Variants in IKBKG observed in about 807,000 individuals in gnomAD.
IKBKG encodes the protein NF-kappa-B essential modulator.
IKBKG carries 2 observed loss-of-function variants against 13.7 expected under a neutral mutation model. The ratio of observed to expected loss-of-function variants is 0.15; its 90% confidence interval spans 0.06 to 0.46. The LOEUF is 0.46. IKBKG is among the 20% of genes least tolerant of loss of function. The pLI, the probability that IKBKG is intolerant of heterozygous loss-of-function variation, is 0.98. For missense variants in IKBKG, 53 were observed against 150.3 expected, an observed-to-expected ratio of 0.35 and a Z score of 3.39; for synonymous variants, 22 against 64.4, an observed-to-expected ratio of 0.34 and a Z score of 3.15.
upstream of IKBKG, chrX:154,546,654 A>C: frequency 5.9e-6 from 3 of 505,019 alleles, no homozygotes; most frequent in Non-Finnish European, 9.5e-6. Flanking sequence ...GGTGCGGGGT[A>C]TAAAGGGATT....
At chrX:154,542,375 G>A (rs782545516), upstream of IKBKG, 9 of 1,206,451 alleles carry the variant, frequency 7.5e-6, no homozygotes, top group African/African-American at 1.2e-4. Context: ...CAGCATCATC[G>A]AGGTCCCATC....
chrX:154,542,453 G>C, upstream of IKBKG: 1 of 1,176,561 alleles, frequency 8.5e-7, no homozygotes, highest in Non-Finnish European at 1.1e-6. Flanking sequence ...GAAGGGGGCA[G>C]TAAGTACCTC....
intron 1 of IKBKG, among the ~76,000 whole-genome samples, chrX:154,549,835 A>G (rs1603416981): frequency 8.9e-6 from 1 of 111,884 alleles, no homozygotes; most frequent in East Asian, 2.8e-4. Context: ...AGACTCATAC[A>G]ATGTTTAATC....
intron 1 of IKBKG, among the ~76,000 whole-genome samples, chrX:154,551,355 A>G (rs1557234971): frequency 9.0e-6 from 1 of 110,624 alleles, no homozygotes; most frequent in Admixed American, 9.6e-5. Flanking sequence ...GCCTCTCCCA[A>G]GCTTCTGCCC....
At chrX:154,547,388 G>A (rs946439673), upstream of IKBKG, 3 of 754,400 alleles carry the variant, frequency 4.0e-6, no homozygotes, top group Admixed American at 2.6e-4. Flanking sequence ...AGCGCCCCGA[G>A]GCTAGACGCC....
upstream of IKBKG, among the ~76,000 whole-genome samples, chrX:154,543,277 G>A (rs993363903): frequency 2.7e-5 from 3 of 112,727 alleles, no homozygotes; most frequent in Non-Finnish European, 5.6e-5. Context: ...GGAGAGCAAA[G>A]GGGAACCCTA....
upstream of IKBKG, chrX:154,545,836 CAAAAAAAA>C: frequency 7.1e-6 from 2 of 283,025 alleles, no homozygotes; most frequent in East Asian, 6.1e-5. Flanking sequence ...ACTCCGTCTC[CAAAAAAAA>C]AAAAAAAAAA....
At chrX:154,547,573 G>A, upstream of IKBKG, 1 of 755,044 alleles carries the variant, frequency 1.3e-6, no homozygotes, top group Non-Finnish European at 1.6e-6. Flanking sequence ...CGAGTTCTCG[G>A]GGGCGGGGCT....
chrX:154,555,518 G>A (rs1390589383), intron 2 of IKBKG, among the ~76,000 whole-genome samples: 1 of 112,848 alleles, frequency 8.9e-6, no homozygotes, highest in Non-Finnish European at 1.9e-5. Flanking sequence ...ACCAGCCTGG[G>A]CAACATAGCA....
chrX:154,547,683 C>T lies in IKBKG; in HGVS notation c.-78C>T. 1.3e-6 allele frequency: 1 copy of T among 755,019 alleles called. No individual in the cohort carries two copies. The highest frequency in any genetic ancestry group is 1.6e-6 in the Non-Finnish European group (1 of 639,457). 62.2% of individuals were successfully genotyped at this position (755,019 alleles called of 1,213,427 possible). A position where few individuals can be genotyped will look rare whatever the true frequency, so the allele number is the denominator to read the frequency against. ...CTGGGACTTTCTCGGAGCGCCGGGG[C>T]CCTACCAGCGTTCACAGTCCGCCGC... On this transcript the variant is annotated 5_prime_UTR_variant, in exon 1 of 10. Transcript: ENST00000594239.
intron 1 of IKBKG, chrX:154,548,130 A>G (rs2070808008): frequency 1.3e-6 from 1 of 745,194 alleles, no homozygotes; most frequent in African/African-American, 2.3e-5. Context: ...TTTGCAAGAC[A>G]ACATCTGCCT....
intron 1 of IKBKG, chrX:154,542,250 C>T (rs782107061): frequency 5.6e-6 from 6 of 1,063,434 alleles, no homozygotes; most frequent in Non-Finnish European, 7.7e-6. Context: ...GCGTCCTGAA[C>T]GCCCATCAAG....
chrX:154,545,856 AG>A, upstream of IKBKG: 1 of 460,798 alleles, frequency 2.2e-6, no homozygotes, highest in Non-Finnish European at 3.6e-6. Flanking sequence ...AAAAAAAAAA[AG>A]TCTTGCAAGT....
chrX:154,548,408 G>T lies in IKBKG; in HGVS notation c.-16+663G>T, dbSNP rs371858780. ...TCTTACACTGATCGTTCTAGCAGTG[G>T]TGGGGAGAACAGACCATAGTGGGCA... On this transcript the variant is annotated intron_variant, in intron 1 of 9. Coordinates refer to ENST00000594239, the MANE Select transcript of IKBKG (RefSeq NM_001099857.5). 2.7e-5 allele frequency among the ~76,000 whole-genome samples: 3 copies of T among 112,516 alleles called. No individual in the cohort carries two copies. The East Asian group carries it at 8.3e-4, about 31-fold the overall frequency.
At chrX:154,545,866 G>T, upstream of IKBKG, 31 of 476,554 alleles carry the variant, frequency 6.5e-5, no homozygotes, top group Non-Finnish European at 9.9e-5. Flanking sequence ...AGTCTTGCAA[G>T]TGCATATGCA....
chrX:154,554,149 C>T (rs1031114058), intron 2 of IKBKG, among the ~76,000 whole-genome samples: 1 of 112,693 alleles, frequency 8.9e-6, no homozygotes, highest in African/African-American at 3.2e-5. Context: ...TGTCTGTCCC[C>T]CAAGATGTAC....
chrX:154,549,562 G>A (rs1336707071), intron 1 of IKBKG, among the ~76,000 whole-genome samples: 2 of 111,281 alleles, frequency 1.8e-5, no homozygotes, highest in African/African-American at 6.5e-5. Flanking sequence ...TTACAGGTGT[G>A]AACCACCATG....
chrX:154,541,901 G>A (rs1280445833), intron 1 of IKBKG, among the ~76,000 whole-genome samples: 2 of 112,158 alleles, frequency 1.8e-5, no homozygotes, highest in Admixed American at 9.3e-5. Flanking sequence ...GAGGGCCAGC[G>A]GGGGTGGGCC....
chrX:154,552,134 A>T lies in IKBKG; in HGVS notation c.132A>T (p.Glu44Asp). The change falls in exon 2 of 10, where the codon GAA (glutamate) becomes GAT (aspartate). Residue 44 changes from glutamate to aspartate, a missense_variant. Physicochemically the swap from Glu to Asp is conservative, Grantham distance 45. Coordinates refer to ENST00000594239, the MANE Select transcript of IKBKG (RefSeq NM_001099857.5). The part of the protein sequence containing the change: ...GKPAMLHLPS[E>D]QGAPETLQRC... ...CAGCCATGCTGCACCTGCCTTCAGA[A>T]CAGGGCGCTCCTGAGACCCTCCAGC... is the stretch of plus-strand genomic sequence containing the variant. 8.4e-7 allele frequency: 1 copy of T among 1,196,290 alleles called. No homozygotes were observed. Among genetic ancestry groups the T allele is most frequent in the Non-Finnish European group, 1.1e-6 (1 of 884,544 alleles).
Sources: allele counts gnomAD v4.1 joint callset (sites outside exome capture counted in the v4.1 genomes callset), GRCh38; gene constraint gnomAD v4.1.1; transcripts MANE v1.5; gene names NCBI Gene and HGNC (gene_info 2026-07-23, HGNC 2026-07-21).